MTMR9: variants seen among roughly 807,000 people sequenced by gnomAD.
MTMR9 encodes myotubularin-related protein 9.
In MTMR9, 39 loss-of-function variants were observed where a neutral mutation model predicts 69.5. That is an observed-to-expected ratio of 0.56 (90% CI 0.43 to 0.73). The LOEUF is 0.73. MTMR9 is among the 30% of genes least tolerant of loss of function. The pLI is 0.00. For missense variants in MTMR9, 900 were observed against 671.2 expected, an observed-to-expected ratio of 1.34 and a Z score of -3.77; for synonymous variants, 354 against 240.8, an observed-to-expected ratio of 1.47 and a Z score of -4.35.
In MTMR9 at chr8:11,315,072, G is replaced by A. The variant is rs1418433504; in HGVS notation, c.1113+8G>A. The A allele has an allele frequency of 1.2e-6, 2 of 1,611,418 alleles. No homozygotes were observed. Among genetic ancestry groups the A allele is most frequent in the Non-Finnish European group, 1.7e-6 (2 of 1,177,866 alleles). On this transcript the variant is annotated splice_region_variant and intron_variant, in intron 7 of 9. Coordinates refer to ENST00000221086, the MANE Select transcript of MTMR9 (RefSeq NM_015458.4). ...GAAAGAGAGTGGCTGCAGGTGAGAA[G>A]AGCTGTTTGATTCACAGAGGAACTG...
intron 1 of MTMR9, 52 bp from the exon 2 acceptor site, chr8:11,295,134 ATAATATAT>A: frequency 1.2e-6 from 1 of 862,428 alleles, no homozygotes. Flanking sequence ...CAAAGAAATA[ATAATATAT>A]TTAAAGTTAG....
At chr8:11,311,695 A>G (rs2736257) in intron 6 of MTMR9, among the ~76,000 whole-genome samples, 3,820 of 152,182 alleles carry the variant, frequency 0.025, 156 homozygotes, top group African/African-American at 0.085. Flanking sequence ...GGCTGTGGCA[A>G]TTTCTTAGAC....
intron 6 of MTMR9, among the ~76,000 whole-genome samples, chr8:11,312,538 C>G (rs1240895504): frequency 6.6e-6 from 1 of 152,186 alleles, no homozygotes; most frequent in Non-Finnish European, 1.5e-5. Flanking sequence ...AATTCTAGTT[C>G]TTTTGCTATT....
At chr8:11,306,829 T>A (rs1799957095) in intron 5 of MTMR9, among the ~76,000 whole-genome samples, 1 of 152,204 alleles carries the variant, frequency 6.6e-6, no homozygotes, top group African/African-American at 2.4e-5. Flanking sequence ...GTTGTTACCT[T>A]TGATCAACAT....
At chr8:11,319,518 G>A (rs968204568) in intron 8 of MTMR9, 169 bp from the exon 9 acceptor site, 5 of 653,342 alleles carry the variant, frequency 7.7e-6, no homozygotes, top group South Asian at 4.0e-5. Context: ...TTCTAATGCC[G>A]ATTGAGCTTT....
downstream of MTMR9, chr8:11,330,992 C>G (rs1188366359): frequency 8.8e-6 from 13 of 1,480,242 alleles, no homozygotes; most frequent in Middle Eastern, 5.0e-4. Context: ...GTGCTACCAC[C>G]TCAGGAGAGT....
Position 11,294,244 on chromosome 8 carries a change from G to T in MTMR9, c.183-950G>T, listed in dbSNP as rs964469271. 2.6e-5 allele frequency among the ~76,000 whole-genome samples: 4 copies of T among 152,186 alleles called. No homozygotes were observed. The South Asian group carries it at 8.3e-4, about 32-fold the overall frequency. ...TTATTCTTTTTACCTTACTGCACTA[G>T]TTATAACCTTGAGTGCAATGTTGAC... On this transcript the variant is annotated intron_variant, in intron 1 of 9. Transcript: ENST00000221086.
At chr8:11,336,927 C>T in the MTMR9 span, among the ~76,000 whole-genome samples, 16 of 152,168 alleles carry the variant, frequency 1.1e-4, no homozygotes, top group Non-Finnish European at 2.2e-4. Context: ...AGATAACTCC[C>T]AGTTCATAAT....
chr8:11,306,217 A>C lies in MTMR9; in HGVS notation c.619A>C (p.Thr207Pro), dbSNP rs1273146731. 6.2e-7 allele frequency: 1 copy of C among 1,613,240 alleles called. No individual in the cohort carries two copies. The highest frequency in any genetic ancestry group is 2.2e-5 in the East Asian group (1 of 44,882). Residue 207 changes from threonine (T) to proline (P), a missense_variant, in exon 5 of 10, where the codon ACT (threonine) becomes CCT (proline). Thr to Pro is a conservative substitution (Grantham distance 38, BLOSUM62 -1). Coordinates refer to ENST00000221086, the MANE Select transcript of MTMR9 (RefSeq NM_015458.4). The stretch of plus-strand genomic sequence containing the variant: ...AATTATGCGAAGTGGTCAGCCACTC[A>C]CTGGTACAAACGGGAGGAGGTGCAA... ...MVIMRSGQPL[T>P]GTNGRRCKED...
the MTMR9 span, among the ~76,000 whole-genome samples, chr8:11,338,903 G>T: frequency 6.6e-6 from 1 of 152,140 alleles, no homozygotes; most frequent in Admixed American, 6.5e-5. Context: ...ATTTTGTGCT[G>T]GGAAGAAGGG....
At chr8:11,291,564 AG>A (rs1799381713) in intron 1 of MTMR9, among the ~76,000 whole-genome samples, 2 of 152,130 alleles carry the variant, frequency 1.3e-5, no homozygotes. Flanking sequence ...CTGTTCTATA[AG>A]TAACTGACTA....
At chr8:11,329,805 C>T (rs1358341930), downstream of MTMR9, among the ~76,000 whole-genome samples, 6 of 151,542 alleles carry the variant, frequency 4.0e-5, no homozygotes, top group African/African-American at 1.2e-4. Context: ...CCCCTCTGCC[C>T]GGCTGCCCAG....
chr8:11,304,392 G>A (rs1799862091), intron 3 of MTMR9, among the ~76,000 whole-genome samples: 1 of 152,166 alleles, frequency 6.6e-6, no homozygotes, highest in Non-Finnish European at 1.5e-5. Flanking sequence ...AACTAAATGG[G>A]ACCCAGAAAA....
rs1047302785 is a variant in MTMR9 at position 11,327,871 on chromosome 8, GTC to G, written c.*5085_*5086del. 1.3e-5 allele frequency: 2 copies of G among 152,506 alleles called. No homozygotes were observed. Among genetic ancestry groups the G allele is most frequent in the Non-Finnish European group, 2.9e-5 (2 of 68,018 alleles). 9.4% of individuals were successfully genotyped at this position (152,506 alleles called of 1,614,324 possible). ...AAAAAAAAAAGCAGAACTTTTGTAA[GTC>G]TGTGTAACATTTTAATATTGTTTGT... On this transcript the variant is annotated 3_prime_UTR_variant, in exon 10 of 10. Transcript: ENST00000221086.
chr8:11,291,640 G>A (rs986390580), intron 1 of MTMR9, among the ~76,000 whole-genome samples: 2 of 152,002 alleles, frequency 1.3e-5, no homozygotes, highest in African/African-American at 2.4e-5. Context: ...CTGACATAAA[G>A]TAACAATTAT....
chr8:11,318,062 A>G (rs1048787489), intron 8 of MTMR9: 4 of 152,250 alleles, frequency 2.6e-5, no homozygotes, highest in Admixed American at 1.3e-4. Flanking sequence ...GACACTCTTC[A>G]GTAAAGCAAT....
chr8:11,330,264 C>T (rs984667923), downstream of MTMR9, among the ~76,000 whole-genome samples: 26 of 151,084 alleles, frequency 1.7e-4, no homozygotes, highest in East Asian at 6.0e-4. Flanking sequence ...AGCCCCCCAC[C>T]GGCCAGCCGC....
At position 11,322,735 on chromosome 8, in the gene MTMR9, C is replaced by A. The variant is rs565171854; in HGVS notation, c.1597C>A (p.Arg533=). Residue 533 remains arginine (R), a synonymous_variant, in exon 10 of 10, where the codon CGA becomes AGA. Transcript: ENST00000221086. ...KELQAKVNIL[R]RQLAELETED... is the part of the protein sequence containing the mutation. Reference sequence around the variant, plus strand: ...ATTACAAGCAAAAGTCAATATCCTTCGAAGGCAGTTGGCAGAACTGGAAAC... The same window carrying A: ...ATTACAAGCAAAAGTCAATATCCTTAGAAGGCAGTTGGCAGAACTGGAAAC... The A allele has an allele frequency of 1.2e-6, 2 of 1,614,048 alleles. No homozygotes were observed. The highest frequency in any genetic ancestry group is 2.7e-5 in the African/African-American group (2 of 75,030).
At chr8:11,288,968 T>A (rs1351172392) in intron 1 of MTMR9, among the ~76,000 whole-genome samples, 3 of 151,938 alleles carry the variant, frequency 2.0e-5, no homozygotes, top group Non-Finnish European at 2.9e-5. Context: ...AGGTCAGGAG[T>A]TCGACACAGC....
Sources: gnomAD v4.1 joint callset for allele counts (sites outside exome capture counted in the v4.1 genomes callset) on GRCh38, gnomAD v4.1.1 for gene constraint, MANE v1.5 for transcripts, NCBI Gene and HGNC (gene_info 2026-07-23, HGNC 2026-07-21) for gene names.